The following GRM5 variants were observed in gnomAD, a reference collection of about 807,000 sequenced individuals.
GRM5 encodes the protein metabotropic glutamate receptor 5.
GRM5 carries 19 observed loss-of-function variants against 83.1 expected under a neutral mutation model. The observed-to-expected ratio is 0.23, with a 90% CI of 0.16 to 0.34. The LOEUF is 0.34. GRM5 is among the 10% of genes least tolerant of loss of function. The pLI is 1.00. For missense variants in GRM5, 1,160 were observed against 1,588.3 expected, an observed-to-expected ratio of 0.73 and a Z score of 4.58; for synonymous variants, 675 against 633.6, an observed-to-expected ratio of 1.07 and a Z score of -0.98.
rs76685851 is a variant in GRM5, at chr11:88,743,959, A to T, written c.912-90556T>A. Among the ~76,000 whole-genome samples the T allele has an allele frequency of 4.9e-3, 747 of 152,294 alleles. 4 individuals are homozygous for T. The highest frequency in any genetic ancestry group is 0.017 in the African/African-American group (719 of 41,568). On this transcript the variant is annotated intron_variant, in intron 3 of 9. Coordinates refer to ENST00000305447, the MANE Select transcript of GRM5 (RefSeq NM_001143831.3). ...AGGCAAACATCAAAAGCAAAATTCA[A>T]AGCTGTTTCAAGAAAATATTGAAAT...
chr11:88,736,866 A>G (rs1018732918), intron 3 of GRM5, among the ~76,000 whole-genome samples: 11 of 132,342 alleles, frequency 8.3e-5, no homozygotes, highest in Non-Finnish European at 1.8e-4. Context: ...TCAGTTTGAC[A>G]AGAAAAGTGT....
chr11:88,891,093 G>T (rs1033563283), intron 2 of GRM5, among the ~76,000 whole-genome samples: 1 of 151,980 alleles, frequency 6.6e-6, no homozygotes, highest in Non-Finnish European at 1.5e-5. Flanking sequence ...CCACTAATCT[G>T]CCCTTTAGCA....
Position 88,835,636 on chromosome 11 carries a change from A to G in GRM5, c.911+14270T>C, listed in dbSNP as rs145603111. Among the ~76,000 whole-genome samples, 878 of 152,324 alleles carry G rather than the reference A, an allele frequency of 5.8e-3. 13 individuals are homozygous for G. Among genetic ancestry groups the G allele is most frequent in the African/African-American group, 0.02 (841 of 41,574 alleles). ...ATTACACTTGTTTTACAGAAAAAAC[A>G]ACTCTGAGGAAACTGGGGATGATGG... On this transcript the variant is annotated intron_variant, in intron 3 of 9. Coordinates refer to ENST00000305447, the MANE Select transcript of GRM5 (RefSeq NM_001143831.3).
intron 4 of GRM5, among the ~76,000 whole-genome samples, chr11:88,616,219 A>C (rs1292724257): frequency 6.6e-6 from 1 of 152,132 alleles, no homozygotes; most frequent in Non-Finnish European, 1.5e-5. Context: ...ATTTCTTCAC[A>C]TTCAAAATAT....
chr11:88,784,430 T>A (rs2135466648), intron 3 of GRM5, among the ~76,000 whole-genome samples: 1 of 152,204 alleles, frequency 6.6e-6, no homozygotes, highest in Admixed American at 6.6e-5. Flanking sequence ...CATATTACAC[T>A]AAGTGCTTTG....
intron 8 of GRM5, among the ~76,000 whole-genome samples, chr11:88,526,231 T>C (rs1041237469): frequency 6.6e-6 from 1 of 152,208 alleles, no homozygotes; most frequent in Non-Finnish European, 1.5e-5. Flanking sequence ...AAATAAGTGA[T>C]GAGATTCCCA....
At chr11:88,614,562 A>C (rs902441850) in intron 4 of GRM5, among the ~76,000 whole-genome samples, 6 of 152,212 alleles carry the variant, frequency 3.9e-5, no homozygotes, top group African/African-American at 1.2e-4. Context: ...CAACTGGTGC[A>C]AAGGCAATTT....
chr11:88,647,709 A>G (rs1056534933), intron 4 of GRM5, among the ~76,000 whole-genome samples: 1 of 152,232 alleles, frequency 6.6e-6, no homozygotes, highest in Non-Finnish European at 1.5e-5. Context: ...CATCAAAGTG[A>G]ACAGGCAACC....
intron 4 of GRM5, among the ~76,000 whole-genome samples, chr11:88,636,266 C>A (rs1939116335): frequency 6.6e-6 from 1 of 152,212 alleles, no homozygotes; most frequent in Non-Finnish European, 1.5e-5. Flanking sequence ...AATCCCAGCA[C>A]TTTGGGAGGC....
At chr11:88,545,953 A>C (rs2135139541) in intron 8 of GRM5, among the ~76,000 whole-genome samples, 1 of 152,220 alleles carries the variant, frequency 6.6e-6, no homozygotes, top group East Asian at 1.9e-4. Context: ...ATACCAGTCC[A>C]CATTTTTCTG....
intron 2 of GRM5, among the ~76,000 whole-genome samples, chr11:88,897,636 T>C (rs1372116081): frequency 6.6e-6 from 1 of 151,840 alleles, no homozygotes; most frequent in Admixed American, 6.6e-5. Flanking sequence ...TGCTGACATC[T>C]AGTAGGTTGA....
chr11:88,558,289 C>T (rs909595982), intron 8 of GRM5, among the ~76,000 whole-genome samples: 4 of 152,056 alleles, frequency 2.6e-5, no homozygotes, highest in African/African-American at 9.7e-5. Context: ...GATTTATGGC[C>T]AGGTGAGTTT....
chr11:88,764,550 T>C (rs529917341), intron 3 of GRM5, among the ~76,000 whole-genome samples: 2 of 151,294 alleles, frequency 1.3e-5, no homozygotes, highest in African/African-American at 2.4e-5. Context: ...GTAACAGGTG[T>C]AAAAATGGAA....
At chr11:88,912,667 G>T (rs1252350171) in intron 2 of GRM5, among the ~76,000 whole-genome samples, 4 of 152,110 alleles carry the variant, frequency 2.6e-5, no homozygotes, top group Non-Finnish European at 4.4e-5. Flanking sequence ...TAGTCATTTT[G>T]TCCAACATCC....
At chr11:88,552,785 C>G (rs1942541140) in intron 8 of GRM5, among the ~76,000 whole-genome samples, 1 of 152,152 alleles carries the variant, frequency 6.6e-6, no homozygotes, top group Non-Finnish European at 1.5e-5. Context: ...AAGCTGTCTG[C>G]TCCTCTCAGC....
intron 3 of GRM5, among the ~76,000 whole-genome samples, chr11:88,794,594 A>G (rs1417130087): frequency 6.6e-6 from 1 of 152,234 alleles, no homozygotes; most frequent in Admixed American, 6.5e-5. Flanking sequence ...TGTTAGGAAC[A>G]TAAAGTAAGG....
At chr11:88,574,481 C>T (rs1434568375) in intron 7 of GRM5, among the ~76,000 whole-genome samples, 1 of 151,962 alleles carries the variant, frequency 6.6e-6, no homozygotes, top group Non-Finnish European at 1.5e-5. Context: ...TAGAAATATT[C>T]CTCGTGGGCA....
intron 3 of GRM5, among the ~76,000 whole-genome samples, chr11:88,829,735 A>C (rs1943953481): frequency 6.6e-6 from 1 of 152,210 alleles, no homozygotes; most frequent in South Asian, 2.1e-4. Context: ...GGATTAAATG[A>C]ATAAAGATAC....
chr11:88,674,205 T>A (rs1361071327), intron 3 of GRM5, among the ~76,000 whole-genome samples: 2 of 151,246 alleles, frequency 1.3e-5, no homozygotes, highest in Non-Finnish European at 3.0e-5. Context: ...ATCCCATGGC[T>A]TCTATAGTAA....
Sources: allele counts gnomAD v4.1 joint callset (sites outside exome capture counted in the v4.1 genomes callset), GRCh38; gene constraint gnomAD v4.1.1; transcripts MANE v1.5; gene names NCBI Gene and HGNC (gene_info 2026-07-23, HGNC 2026-07-21).